DCC: variants seen among roughly 807,000 people sequenced by gnomAD.
DCC encodes DCC netrin 1 receptor, also known as netrin receptor DCC.
Under a neutral mutation model 172.5 loss-of-function variants are expected in DCC, and 58 were observed. The ratio of observed to expected loss-of-function variants is 0.34; its 90% CI spans 0.27 to 0.42. The LOEUF (loss-of-function observed/expected upper bound fraction) is 0.42, where lower values mean the gene tolerates loss of function less well. Among genes scored for constraint, DCC ranks in the 10% least tolerant of loss-of-function variants. The pLI is 1.00. For missense variants in DCC, 1,740 were observed against 1,791.0 expected, an observed-to-expected ratio of 0.97 and a Z score of 0.51; for synonymous variants, 709 against 644.5, an observed-to-expected ratio of 1.10 and a Z score of -1.52.
chr18:52,693,321 TA>T (rs2035960588), intron 1 of DCC, among the ~76,000 whole-genome samples: 1 of 148,560 alleles, frequency 6.7e-6, no homozygotes, highest in South Asian at 2.1e-4. Flanking sequence ...TTACAATATC[TA>T]AATATTATAT....
intron 1 of DCC, among the ~76,000 whole-genome samples, chr18:52,525,116 G>A (rs1274915779): frequency 1.3e-5 from 2 of 151,542 alleles, no homozygotes; most frequent in African/African-American, 4.9e-5. Context: ...TCGTATTTAG[G>A]AGGCAATTAA....
intron 2 of DCC, among the ~76,000 whole-genome samples, chr18:52,878,914 C>T (rs1178481945): frequency 1.3e-5 from 2 of 152,170 alleles, no homozygotes; most frequent in African/African-American, 2.4e-5. Flanking sequence ...GGGTGTAGAA[C>T]TTCTAAAACA....
chr18:52,963,107 T>G (rs909189679), intron 5 of DCC, among the ~76,000 whole-genome samples: 2 of 151,522 alleles, frequency 1.3e-5, no homozygotes, highest in Non-Finnish European at 2.9e-5. Context: ...ATAATTATAA[T>G]AAAATTAAAA....
At chr18:52,629,166 T>C (rs1297921869) in intron 1 of DCC, among the ~76,000 whole-genome samples, 1 of 152,216 alleles carries the variant, frequency 6.6e-6, no homozygotes. Flanking sequence ...GGAAGAGCAA[T>C]AAATAATCTA....
At chr18:53,007,306 G>T (rs1305923380) in intron 5 of DCC, among the ~76,000 whole-genome samples, 1 of 152,082 alleles carries the variant, frequency 6.6e-6, no homozygotes, top group African/African-American at 2.4e-5. Context: ...TTTACGGTAG[G>T]TTTAGACGTG....
chr18:53,128,407 A>G (rs978111565), intron 7 of DCC, among the ~76,000 whole-genome samples: 1 of 152,000 alleles, frequency 6.6e-6, no homozygotes, highest in African/African-American at 2.4e-5. Context: ...CTAATATTTG[A>G]TGGTAATGCT....
chr18:52,686,735 G>A (rs1443919461), intron 1 of DCC, among the ~76,000 whole-genome samples: 1 of 152,090 alleles, frequency 6.6e-6, no homozygotes, highest in Non-Finnish European at 1.5e-5. Context: ...AGAATGCCAT[G>A]AGCTTACATG....
intron 5 of DCC, among the ~76,000 whole-genome samples, chr18:52,957,841 A>C (rs1034416612): frequency 6.6e-6 from 1 of 152,168 alleles, no homozygotes; most frequent in Non-Finnish European, 1.5e-5. Context: ...GAACACACCC[A>C]CAGAGCCTTG....
At chr18:53,392,006 A>G (rs1200970880) in intron 17 of DCC, 119 bp downstream of exon 17, 15 of 700,380 alleles carry the variant, frequency 2.1e-5, no homozygotes, top group Non-Finnish European at 3.9e-5. Context: ...ATGTAGAAAA[A>G]CAAAGCATTT....
Position 53,207,709 on chromosome 18 carries a change from C to T in DCC, c.1753C>T (p.Leu585=). ...NIEVDGLSYK[L]EGLKKFTEYS... ...AGAGGTTGATGGACTATCTTATAAACTGGAAGGCCTGAAAAAATTCACCGA... is the reference window on the plus strand; with the variant it reads ...AGAGGTTGATGGACTATCTTATAAATTGGAAGGCCTGAAAAAATTCACCGA... Residue 585 remains leucine, a synonymous_variant, in exon 11 of 29, where the codon CTG becomes TTG. Coordinates refer to ENST00000442544, the MANE Select transcript of DCC (RefSeq NM_005215.4). 1 of 1,613,592 alleles carries T rather than the reference C, an allele frequency of 6.2e-7. No individual in the cohort carries two copies. The highest frequency in any genetic ancestry group is 2.2e-5 in the East Asian group (1 of 44,856).
intron 1 of DCC, among the ~76,000 whole-genome samples, chr18:52,728,650 A>G (rs576111046): frequency 2.0e-5 from 3 of 152,310 alleles, no homozygotes; most frequent in Admixed American, 2.0e-4. Flanking sequence ...CTCTGGATGT[A>G]GAGAATTACA....
At chr18:52,460,634 C>T (rs1988601102) in intron 1 of DCC, among the ~76,000 whole-genome samples, 1 of 152,176 alleles carries the variant, frequency 6.6e-6, no homozygotes, top group Admixed American at 6.5e-5. Flanking sequence ...CTAGTACACA[C>T]CTAGGCTATA....
At chr18:52,405,450 A>G (rs9676163) in intron 1 of DCC, among the ~76,000 whole-genome samples, 84,350 of 134,100 alleles carry the variant, frequency 0.63, 27,383 homozygotes, top group Non-Finnish European at 0.68. Flanking sequence ...TTTTGGCTGC[A>G]TAAATGTCTT....
chr18:53,096,158 T>TAATA lies in DCC; in HGVS notation c.1261+30008_1261+30011dup, dbSNP rs547099139. ...TACCCTAAAACTTAAAGTATAGTAATAATAAATAAATAAATAAATTTTAAA... is the reference window on the plus strand; with the variant it reads ...TACCCTAAAACTTAAAGTATAGTAATAATAAATAAATAAATAAATAAATTTTAAA... On this transcript the variant is annotated intron_variant, in intron 7 of 28. Coordinates refer to ENST00000442544, the MANE Select transcript of DCC (RefSeq NM_005215.4). 3.3e-4 allele frequency among the ~76,000 whole-genome samples: 50 copies of TAATA among 151,920 alleles called. No homozygotes were observed. The East Asian group carries it at 8.7e-3, about 27-fold the overall frequency.
At chr18:53,255,716 G>T (rs189114617) in intron 12 of DCC, among the ~76,000 whole-genome samples, 1 of 151,964 alleles carries the variant, frequency 6.6e-6, no homozygotes, top group Non-Finnish European at 1.5e-5. Flanking sequence ...ATATTCCTTT[G>T]GGTATATACC....
intron 7 of DCC, among the ~76,000 whole-genome samples, chr18:53,070,376 G>A (rs563387646): frequency 7.2e-5 from 11 of 152,288 alleles, no homozygotes; most frequent in African/African-American, 2.6e-4. Context: ...TGGGAAGACA[G>A]AGCTGACAGT....
intron 5 of DCC, among the ~76,000 whole-genome samples, chr18:52,975,025 G>C (rs1195531191): frequency 1.3e-5 from 2 of 152,128 alleles, no homozygotes; most frequent in Non-Finnish European, 2.9e-5. Flanking sequence ...TAGAAACAGA[G>C]GACGGACCTT....
chr18:52,602,400 A>AGTGTGTGTGCGT (rs1555701933), intron 1 of DCC, among the ~76,000 whole-genome samples: 1 of 148,626 alleles, frequency 6.7e-6, no homozygotes, highest in Non-Finnish European at 1.5e-5. Flanking sequence ...TTAGTATCAA[A>AGTGTGTGTGCGT]GTGTGTGTGT....
chr18:52,390,754 A>T (rs923258086), intron 1 of DCC, among the ~76,000 whole-genome samples: 8 of 152,082 alleles, frequency 5.3e-5, no homozygotes, highest in African/African-American at 1.9e-4. Flanking sequence ...CATCATGGCC[A>T]CTTGTCTCAT....
Sources: gnomAD v4.1 joint callset for allele counts (sites outside exome capture counted in the v4.1 genomes callset) on GRCh38, gnomAD v4.1.1 for gene constraint, MANE v1.5 for transcripts, NCBI Gene and HGNC (gene_info 2026-07-23, HGNC 2026-07-21) for gene names.